Variants in RAF1 observed in about 807,000 individuals in gnomAD.
RAF1 encodes the protein RAF proto-oncogene serine/threonine-protein kinase.
Under a neutral mutation model 81.1 loss-of-function variants are expected in RAF1, and 27 were observed. That is an observed-to-expected ratio of 0.33 (90% CI 0.25 to 0.46). The LOEUF (loss-of-function observed/expected upper bound fraction) is 0.46. Ranked by LOEUF, RAF1 falls within the 20% of genes least tolerant of loss-of-function variation. The pLI is 1.00. For synonymous variants in RAF1, 298 were observed against 294.0 expected, an observed-to-expected ratio of 1.01 and a Z score of -0.14; for missense variants, 598 against 826.0, an observed-to-expected ratio of 0.72 and a Z score of 3.38.
intron 1 of RAF1, among the ~76,000 whole-genome samples, chr3:12,630,952 T>G (rs1049212815): frequency 3.9e-5 from 6 of 152,166 alleles, no homozygotes; most frequent in Admixed American, 6.6e-5. Context: ...TACAGGCACG[T>G]GCCACCACGC....
In RAF1 at chr3:12,584,477, TCCTCCC is replaced by T. The variant is rs1361579500; in HGVS notation, c.*31_*36del. On this transcript the variant is annotated 3_prime_UTR_variant, in exon 18 of 18. Coordinates refer to ENST00000442415, the MANE Select transcript of RAF1 (RefSeq NM_001354689.3). ...AAAAGTGGTGCCTGCTGGCTTCTCC[TCCTCCC>T]CTGGCAGCCTGAAGACAGGTGCAAA... 1 of 1,613,904 alleles carries T rather than the reference TCCTCCC, an allele frequency of 6.2e-7. No homozygotes were observed. The highest frequency in any genetic ancestry group is 1.7e-5 in the Admixed American group (1 of 60,024).
At chr3:12,640,021 A>T (rs2060136591) in intron 1 of RAF1, among the ~76,000 whole-genome samples, 1 of 152,216 alleles carries the variant, frequency 6.6e-6, no homozygotes, top group Non-Finnish European at 1.5e-5. Context: ...CAAAACAGAG[A>T]TAGAGACCAA....
intron 1 of RAF1, among the ~76,000 whole-genome samples, chr3:12,634,427 G>C (rs757310171): frequency 7.0e-4 from 106 of 151,798 alleles, no homozygotes; most frequent in Non-Finnish European, 1.3e-3. Context: ...CTGGGATTAC[G>C]GGCTTGAGCC....
intron 1 of RAF1, among the ~76,000 whole-genome samples, chr3:12,652,849 T>C (rs529137956): frequency 1.3e-4 from 19 of 151,212 alleles, no homozygotes; most frequent in African/African-American, 4.1e-4. Flanking sequence ...GGAGAATCAC[T>C]TGAACCTGGG....
At chr3:12,595,639 G>C (rs1489027956) in intron 11 of RAF1, among the ~76,000 whole-genome samples, 2 of 151,918 alleles carry the variant, frequency 1.3e-5, no homozygotes, top group African/African-American at 2.4e-5. Context: ...GGCCAGGTGA[G>C]TGGTCCACTT....
At chr3:12,594,180 G>A (rs935160046) in intron 11 of RAF1, among the ~76,000 whole-genome samples, 1 of 152,142 alleles carries the variant, frequency 6.6e-6, no homozygotes, top group African/African-American at 2.4e-5. Flanking sequence ...ATGGTTGACT[G>A]TGGGGACTCA....
At chr3:12,657,079 GA>G (rs1399570921) in intron 1 of RAF1, among the ~76,000 whole-genome samples, 2 of 151,948 alleles carry the variant, frequency 1.3e-5, no homozygotes, top group African/African-American at 4.8e-5. Flanking sequence ...TTGAAGGTAG[GA>G]ACTTGCCTTA....
chr3:12,649,767 A>C (rs888697442), intron 1 of RAF1, among the ~76,000 whole-genome samples: 14 of 152,178 alleles, frequency 9.2e-5, no homozygotes, highest in African/African-American at 3.1e-4. Context: ...TGGGAGGCCG[A>C]GGTGGGAGGA....
chr3:12,595,565 C>A (rs764103307), intron 11 of RAF1, among the ~76,000 whole-genome samples: 17 of 152,120 alleles, frequency 1.1e-4, no homozygotes, highest in Admixed American at 2.6e-4. Flanking sequence ...GGACCTCACT[C>A]CTATTAGTAT....
intron 1 of RAF1, among the ~76,000 whole-genome samples, chr3:12,625,079 A>G (rs1040621842): frequency 2.6e-5 from 4 of 152,002 alleles, no homozygotes; most frequent in Non-Finnish European, 5.9e-5. Flanking sequence ...TGTAAAATTT[A>G]TTTTATTTTT....
At chr3:12,604,930 C>T (rs565869481) in intron 6 of RAF1, among the ~76,000 whole-genome samples, 5 of 152,044 alleles carry the variant, frequency 3.3e-5, no homozygotes, top group Admixed American at 3.3e-4. Flanking sequence ...AAGATTCGTT[C>T]GAGGTTTGTT....
At chr3:12,628,614 T>C (rs1247883495) in intron 1 of RAF1, among the ~76,000 whole-genome samples, 1 of 152,106 alleles carries the variant, frequency 6.6e-6, no homozygotes, top group Non-Finnish European at 1.5e-5. Context: ...TATACTATCA[T>C]TCTTTTCTCA....
intron 1 of RAF1, among the ~76,000 whole-genome samples, chr3:12,641,641 G>A (rs945162326): frequency 6.6e-6 from 1 of 151,756 alleles, no homozygotes; most frequent in Non-Finnish European, 1.5e-5. Flanking sequence ...ACAGGCATGT[G>A]CCACCATATC....
Position 12,599,554 on chromosome 3 carries a change from G to A in RAF1, c.1168+137C>T. ...AAAAAGAATTAAGTTCAATCTTCAG[G>A]TATAATCAAGTATGTAAGGGAGAGT... On this transcript the variant is annotated intron_variant, in intron 11 of 17. Transcript: ENST00000442415. The A allele has an allele frequency of 5.8e-6, 4 of 692,190 alleles. 1 individual carries two copies. The South Asian group carries it at 6.4e-5, about 11-fold the overall frequency. 42.9% of individuals were successfully genotyped at this position (692,190 alleles called of 1,614,324 possible). A position where few individuals can be genotyped will look rare whatever the true frequency, so the allele number is the denominator to read the frequency against.
intron 3 of RAF1, among the ~76,000 whole-genome samples, chr3:12,611,516 C>A (rs972923873): frequency 7.2e-5 from 11 of 152,234 alleles, no homozygotes; most frequent in African/African-American, 2.6e-4. Flanking sequence ...CTGGCTAACA[C>A]GGTGAAACCC....
At chr3:12,657,349 G>T (rs2125583609) in intron 1 of RAF1, among the ~76,000 whole-genome samples, 1 of 152,300 alleles carries the variant, frequency 6.6e-6, no homozygotes, top group East Asian at 1.9e-4. Flanking sequence ...GTGAAAGGAA[G>T]CTGGGTAGCT....
intron 1 of RAF1, among the ~76,000 whole-genome samples, chr3:12,623,580 G>A (rs540338280): frequency 6.4e-4 from 97 of 152,072 alleles, no homozygotes; most frequent in African/African-American, 1.8e-3. Flanking sequence ...GATGGATCAC[G>A]AGGTCAGGAG....
rs551406720 is a variant in RAF1, at chr3:12,593,029, C to T, written c.1169-1237G>A. 1.6e-4 allele frequency among the ~76,000 whole-genome samples: 24 copies of T among 151,674 alleles called. No individual in the cohort carries two copies. The East Asian group carries it at 3.3e-3, about 21-fold the overall frequency. On this transcript the variant is annotated intron_variant, in intron 11 of 17. Transcript: ENST00000442415. ...TGCTGGGATTACAGGTATGAGCCAC[C>T]GTGCCTGGCCAAAAGCCACTTTCAA...
At chr3:12,608,513 A>C in intron 5 of RAF1, 1 of 531,406 alleles carries the variant, frequency 1.9e-6, no homozygotes, top group Non-Finnish European at 3.4e-6. Flanking sequence ...TTCCTTACTG[A>C]ATCACAGTCA....
Sources: allele counts gnomAD v4.1 joint callset (sites outside exome capture counted in the v4.1 genomes callset), GRCh38; gene constraint gnomAD v4.1.1; transcripts MANE v1.5; gene names NCBI Gene and HGNC (gene_info 2026-07-23, HGNC 2026-07-21).